The following BCAR1 variants were observed in gnomAD, a reference collection of about 807,000 sequenced individuals.
The protein encoded by BCAR1 is BCAR1 scaffold protein, Cas family member, also known as breast cancer anti-estrogen resistance protein 1.
BCAR1 carries 30 observed loss-of-function variants against 67.6 expected under a neutral mutation model. The ratio of observed to expected loss-of-function variants is 0.44; its 90% confidence interval spans 0.33 to 0.60. BCAR1 has a LOEUF of 0.60. Ranked by LOEUF, BCAR1 falls within the 20% of genes least tolerant of loss-of-function variation. The pLI, the probability that BCAR1 is intolerant of heterozygous loss-of-function variation, is 0.02. For synonymous variants in BCAR1, 626 were observed against 556.7 expected (o/e 1.12, Z -1.75); for missense variants, 1,313 against 1,222.3 (o/e 1.07, Z -1.11).
At position 75,235,159 on chromosome 16, in the gene BCAR1, C is replaced by T. The variant is rs1597178781; in HGVS notation, c.1740G>A (p.Val580=). 1.9e-6 allele frequency: 3 copies of T among 1,608,740 alleles called. No individual in the cohort carries two copies. The East Asian group carries it at 6.7e-5, about 36-fold the overall frequency. The change falls in exon 5 of 7, where the codon GTG becomes GTA. Residue 580 remains valine, a synonymous_variant. Coordinates refer to ENST00000162330, the MANE Select transcript of BCAR1 (RefSeq NM_014567.5). ...CCTCGGGCACAGCCCGCGAGCAGGC[C>T]ACCAGCCGGTCCAGGTCCTCAAGGG... ...GATLEDLDRL[V]ACSRAVPEDA...
intron 1 of BCAR1, among the ~76,000 whole-genome samples, chr16:75,260,844 G>C (rs551916300): frequency 6.6e-6 from 1 of 152,144 alleles, no homozygotes; most frequent in Non-Finnish European, 1.5e-5. Context: ...GGAGCTTCAA[G>C]TTAAATTTGG....
At chr16:75,251,280 G>C (rs1023505512) in intron 1 of BCAR1, among the ~76,000 whole-genome samples, 191 bp downstream of exon 1, 2 of 151,976 alleles carry the variant, frequency 1.3e-5, no homozygotes, top group Non-Finnish European at 2.9e-5. Context: ...GAGGCGCACA[G>C]GCTCCGGAGC....
chr16:75,264,504 C>G (rs1478559532), intron 1 of BCAR1: 23 of 1,435,442 alleles, frequency 1.6e-5, no homozygotes, highest in Non-Finnish European at 2.1e-5. Flanking sequence ...CAGGCATGTT[C>G]TGTCTTCCTT....
intron 1 of BCAR1, chr16:75,263,149 A>G: frequency 1.1e-6 from 1 of 948,868 alleles, no homozygotes; most frequent in South Asian, 4.9e-5. Context: ...GAAGGGGCAC[A>G]GGAGGAGCTG....
In BCAR1 at chr16:75,266,677, G is replaced by A. The variant is rs369222575; in HGVS notation, c.66+1238C>T. Reference sequence around the variant, plus strand: ...GCCAGGCAGGCCTTGCTGATGCCCCGTTACATTTCATAGGCCCAGGCACTG... The same window carrying A: ...GCCAGGCAGGCCTTGCTGATGCCCCATTACATTTCATAGGCCCAGGCACTG... On this transcript the variant is annotated intron_variant, in intron 1 of 6. Coordinates refer to the BCAR1 transcript ENST00000393422. 15 of 1,302,692 alleles carry A rather than the reference G, an allele frequency of 1.2e-5. No homozygotes were observed. The Admixed American group carries it at 2.9e-4, about 25-fold the overall frequency. The allele number at this position is 1,302,692 out of a possible 1,614,324, so 80.7% of individuals were successfully genotyped here.
chr16:75,264,222 T>C, intron 1 of BCAR1: 1 of 1,361,380 alleles, frequency 7.3e-7, no homozygotes. Flanking sequence ...CATCCCAGAC[T>C]CCATGCCCAG....
chr16:75,254,717 A>G (rs756635331), upstream of BCAR1, among the ~76,000 whole-genome samples: 3 of 152,176 alleles, frequency 2.0e-5, no homozygotes, highest in Non-Finnish European at 2.9e-5. Flanking sequence ...GCCCTCCCAG[A>G]CAGTTGTGTC....
In BCAR1 at chr16:75,235,947, C is replaced by T. The variant is rs745902934; in HGVS notation, c.952G>A (p.Asp318Asn). 10 of 1,574,466 alleles carry T rather than the reference C, an allele frequency of 6.4e-6. No individual in the cohort carries two copies. Among genetic ancestry groups the T allele is most frequent in the African/African-American group, 4.0e-5 (3 of 74,254 alleles). ...VPPSVSKDVP[D>N]GPLLREETYD... Reference sequence around the variant, plus strand: ...GTCTCCTCACGCAGCAGTGGGCCATCGGGCACATCCTTGCTCACCGATGGA... The same window carrying T: ...GTCTCCTCACGCAGCAGTGGGCCATTGGGCACATCCTTGCTCACCGATGGA... The change falls in exon 5 of 7, where the codon GAT becomes AAT. Residue 318 changes from aspartate to asparagine, a missense_variant. Asp to Asn is a conservative substitution (Grantham distance 23). Around this residue, in one of 2 missense-constraint regions of BCAR1, gnomAD observed 1,272 missense variants for 1,137.5 expected, o/e 1.12. Coordinates refer to ENST00000162330, the MANE Select transcript of BCAR1 (RefSeq NM_014567.5).
Position 75,242,596 on chromosome 16 carries a change from T to C in BCAR1, c.507A>G (p.Pro169=). ...TATCCTGGGCAGGGCCTCCAGGCCCTGGGGGCACCTGGTACAGGTCTGTGG... is the reference window on the plus strand; with the variant it reads ...TATCCTGGGCAGGGCCTCCAGGCCCCGGGGGCACCTGGTACAGGTCTGTGG... The part of the protein sequence containing the change: ...SPATDLYQVP[P]GPGGPAQDIY... The change falls in exon 2 of 7, where the codon CCA becomes CCG. Residue 169 remains proline, a synonymous_variant. Transcript: ENST00000162330. The C allele has an allele frequency of 6.7e-7, 1 of 1,497,638 alleles. No homozygotes were observed. The highest frequency in any genetic ancestry group is 1.4e-5 in the African/African-American group (1 of 70,908). The allele number at this position is 1,497,638 out of a possible 1,614,324, so 92.8% of individuals were successfully genotyped here.
In BCAR1 at chr16:75,236,889, T is replaced by C. The variant is rs780951483; in HGVS notation, c.905A>G (p.His302Arg). 6.8e-6 allele frequency: 11 copies of C among 1,612,424 alleles called. No individual in the cohort carries two copies. Among genetic ancestry groups the C allele is most frequent in the Non-Finnish European group, 8.5e-6 (10 of 1,179,388 alleles). Residue 302 changes from histidine (H) to arginine (R), a missense_variant, in exon 4 of 7, where the codon CAC (histidine) becomes CGC (arginine). His to Arg is a conservative substitution (Grantham distance 29). This residue lies in a region of BCAR1 where 1,272 missense variants were observed against 1,137.5 expected (regional missense o/e 1.12). Transcript: ENST00000162330. ...GCCCTGGCATTTGCTCACTGCGTGG[T>C]GGTTGGACGGTGGCAGGCCCTTCTC... ...SVEKGLPPSN[H>R]HAVYDVPPSV...
At chr16:75,251,110 G>A (rs2151461649) in intron 1 of BCAR1, among the ~76,000 whole-genome samples, 1 of 152,300 alleles carries the variant, frequency 6.6e-6, no homozygotes, top group South Asian at 2.1e-4. Context: ...GCCCCTCCTC[G>A]CAGCCGAGGA....
chr16:75,243,177 T>A, intron 1 of BCAR1, 87 bp from the exon 2 acceptor site: 1 of 1,352,380 alleles, frequency 7.4e-7, no homozygotes, highest in Non-Finnish European at 1.0e-6. Context: ...TCTGGGGAGG[T>A]GCCCAGCTTT....
At chr16:75,261,946 T>C (rs1037448731) in intron 1 of BCAR1, among the ~76,000 whole-genome samples, 3 of 152,166 alleles carry the variant, frequency 2.0e-5, no homozygotes, top group African/African-American at 7.2e-5. Flanking sequence ...TCACCCTCCT[T>C]CTAACAGCTC....
intron 1 of BCAR1, among the ~76,000 whole-genome samples, chr16:75,245,657 C>A (rs2077490312): frequency 6.6e-6 from 1 of 152,256 alleles, no homozygotes; most frequent in Non-Finnish European, 1.5e-5. Flanking sequence ...AAGCATCTCA[C>A]AGGCTGGGCA....
chr16:75,234,992 G>A lies in BCAR1; in HGVS notation c.1907C>T (p.Pro636Leu). ...TDKTSSIQSRPLPSPPKFTSQ... is the reference protein window; with the variant it reads ...TDKTSSIQSRLLPSPPKFTSQ... ...GGTGAACTTAGGGGGTGAGGGCAGGGGTCGTGACTGGATGCTGCTGGTCTT... is the reference window on the plus strand; with the variant it reads ...GGTGAACTTAGGGGGTGAGGGCAGGAGTCGTGACTGGATGCTGCTGGTCTT... The change falls in exon 5 of 7, where the codon CCC becomes CTC. Residue 636 changes from proline to leucine, a missense_variant. By Grantham distance (98) the Pro-to-Leu change is moderately conservative. Coordinates refer to ENST00000162330, the MANE Select transcript of BCAR1 (RefSeq NM_014567.5). The A allele has an allele frequency of 1.9e-6, 3 of 1,610,770 alleles. No individual in the cohort carries two copies. The highest frequency in any genetic ancestry group is 2.5e-6 in the Non-Finnish European group (3 of 1,177,922).
At chr16:75,251,414 C>G in intron 1 of BCAR1, 57 bp downstream of exon 1, 1 of 1,479,778 alleles carries the variant, frequency 6.8e-7, no homozygotes, top group South Asian at 1.3e-5. Context: ...TTAACCCCTT[C>G]CAGCCCGCTG....
intron 1 of BCAR1, chr16:75,263,792 G>T: frequency 2.0e-6 from 2 of 987,616 alleles, no homozygotes; most frequent in Non-Finnish European, 2.4e-6. Flanking sequence ...TGGGTTCCAA[G>T]GGCAGGGCTT....
At chr16:75,233,756 G>A (rs1022866264) in intron 6 of BCAR1, 90 bp downstream of exon 6, 3 of 1,343,108 alleles carry the variant, frequency 2.2e-6, no homozygotes, top group Non-Finnish European at 3.1e-6. Context: ...ATGAGAAGCT[G>A]GGGACCCGGG....
At chr16:75,240,368 T>G (rs1396368519) in intron 2 of BCAR1, among the ~76,000 whole-genome samples, 1 of 152,132 alleles carries the variant, frequency 6.6e-6, no homozygotes, top group Non-Finnish European at 1.5e-5. Context: ...GTTACCGCCG[T>G]GCCACCGTAA....
Sources: allele counts gnomAD v4.1 joint callset (sites outside exome capture counted in the v4.1 genomes callset), GRCh38; gene constraint gnomAD v4.1.1; regional missense constraint gnomAD v4.1.1; transcripts MANE v1.5; gene names NCBI Gene and HGNC (gene_info 2026-07-23, HGNC 2026-07-21).